SLC39A11: variants seen among roughly 807,000 people sequenced by gnomAD.
SLC39A11 encodes the protein zinc transporter ZIP11.
SLC39A11 carries 33 observed loss-of-function variants against 36.1 expected under a neutral mutation model. The ratio of observed to expected loss-of-function variants is 0.91; its 90% CI spans 0.69 to 1.22. The LOEUF (loss-of-function observed/expected upper bound fraction) is 1.22, where lower values mean the gene tolerates loss of function less well. Ranked by LOEUF, SLC39A11 falls within the 50% of genes most tolerant of loss-of-function variation. SLC39A11 has a pLI of 0.00. For missense variants in SLC39A11, 432 were observed against 430.3 expected, an observed-to-expected ratio of 1.00 and a Z score of -0.03; for synonymous variants, 166 against 170.3, an observed-to-expected ratio of 0.97 and a Z score of 0.20.
At chr17:72,686,462 C>T (rs930757085) in intron 7 of SLC39A11, among the ~76,000 whole-genome samples, 4 of 152,220 alleles carry the variant, frequency 2.6e-5, no homozygotes, top group African/African-American at 9.7e-5. Flanking sequence ...CAGCATGGCT[C>T]TTGGCTCGTT....
At chr17:73,016,091 A>G (rs2058154779) in intron 4 of SLC39A11, among the ~76,000 whole-genome samples, 1 of 152,102 alleles carries the variant, frequency 6.6e-6, no homozygotes. Context: ...TATCTGTATC[A>G]TGGGTTAATA....
intron 3 of SLC39A11, among the ~76,000 whole-genome samples, chr17:73,039,917 C>T (rs985708750): frequency 6.6e-6 from 1 of 152,158 alleles, no homozygotes; most frequent in Non-Finnish European, 1.5e-5. Flanking sequence ...ACTGTGCTAC[C>T]CTCTACCCCT....
chr17:72,916,285 A>G lies in SLC39A11; in HGVS notation c.430+31467T>C, dbSNP rs537302104. ...AACCTTCTGTCAAGAGGGAAAAAAG[A>G]GACCTTAAACCACTATTTGATCACC... On this transcript the variant is annotated intron_variant, in intron 5 of 9. Coordinates refer to ENST00000255559, the MANE Select transcript of SLC39A11 (RefSeq NM_139177.4). 7.2e-5 allele frequency among the ~76,000 whole-genome samples: 11 copies of G among 152,356 alleles called. No homozygotes were observed. The South Asian group carries it at 2.3e-3, about 32-fold the overall frequency.
At chr17:72,945,398 T>C (rs1220501078) in intron 5 of SLC39A11, among the ~76,000 whole-genome samples, 1 of 152,174 alleles carries the variant, frequency 6.6e-6, no homozygotes, top group African/African-American at 2.4e-5. Flanking sequence ...ATTAAACCCA[T>C]CTCCTTGCTC....
chr17:72,779,561 C>T (rs1436409891), intron 6 of SLC39A11, among the ~76,000 whole-genome samples: 1 of 152,300 alleles, frequency 6.6e-6, no homozygotes, highest in East Asian at 1.9e-4. Flanking sequence ...CCAGCACAAG[C>T]GCTGTTCACC....
Position 72,648,518 on chromosome 17 carries a change from T to C in SLC39A11, c.929+285A>G, listed in dbSNP as rs2069683854. Among the ~76,000 whole-genome samples, 3 of 151,934 alleles carry C rather than the reference T, an allele frequency of 2.0e-5. No homozygotes were observed. In the East Asian group the frequency reaches 5.8e-4, roughly 30 times the overall value. On this transcript the variant is annotated intron_variant, in intron 9 of 9. Transcript: ENST00000255559. ...CCAGCCCGAGAATCGAGAGACAGGA[T>C]GAGAGAGAATATACAAAAACGATAG...
intron 5 of SLC39A11, among the ~76,000 whole-genome samples, chr17:72,919,108 C>T (rs998768325): frequency 4.6e-5 from 7 of 152,004 alleles, no homozygotes; most frequent in South Asian, 2.1e-4. Flanking sequence ...TAACCCAATT[C>T]GGACCTCCAA....
chr17:72,797,096 C>T (rs1444356250), intron 6 of SLC39A11, among the ~76,000 whole-genome samples: 2 of 152,072 alleles, frequency 1.3e-5, no homozygotes, highest in Non-Finnish European at 2.9e-5. Context: ...GAGCGTGTAT[C>T]TCACACATTG....
chr17:73,028,830 T>C (rs1293366669), intron 4 of SLC39A11, among the ~76,000 whole-genome samples: 2 of 147,384 alleles, frequency 1.4e-5, no homozygotes, highest in African/African-American at 2.5e-5. Context: ...AAAAAAACAC[T>C]GCTGCAGCCG....
intron 7 of SLC39A11, among the ~76,000 whole-genome samples, chr17:72,654,396 A>G (rs911400869): frequency 2.0e-5 from 3 of 152,206 alleles, no homozygotes; most frequent in Non-Finnish European, 2.9e-5. Flanking sequence ...CTGGGCAGAA[A>G]TGCGGCCTGT....
chr17:72,712,070 G>T (rs1007654636), intron 7 of SLC39A11, among the ~76,000 whole-genome samples: 3 of 152,244 alleles, frequency 2.0e-5, no homozygotes, highest in Non-Finnish European at 4.4e-5. Context: ...GCTGGCAGAG[G>T]TGGGACAAAG....
At chr17:72,899,330 A>AG (rs112161963) in intron 5 of SLC39A11, among the ~76,000 whole-genome samples, 24,454 of 151,872 alleles carry the variant, frequency 0.16, 4,018 homozygotes, top group African/African-American at 0.42. Flanking sequence ...GCCAAACCCA[A>AG]CTACAGACTG....
chr17:72,964,166 ACT>A (rs576876077), intron 4 of SLC39A11, among the ~76,000 whole-genome samples: 55 of 152,284 alleles, frequency 3.6e-4, no homozygotes, highest in Non-Finnish European at 5.9e-4. Flanking sequence ...TTTAGTCAAG[ACT>A]CTGATCCTCC....
chr17:73,027,319 C>T (rs577508811), intron 4 of SLC39A11, among the ~76,000 whole-genome samples: 85 of 152,278 alleles, frequency 5.6e-4, no homozygotes, highest in Middle Eastern at 3.4e-3. Context: ...TCCCATCATC[C>T]GACCCCTCAC....
At chr17:72,955,469 AT>A (rs57079729) in intron 4 of SLC39A11, among the ~76,000 whole-genome samples, 6,590 of 128,598 alleles carry the variant, frequency 0.051, 495 homozygotes, top group African/African-American at 0.17. Context: ...CGTCTGGCTA[AT>A]TTTTTTTTTT....
At chr17:72,799,759 A>T (rs1396292693) in intron 6 of SLC39A11, among the ~76,000 whole-genome samples, 1 of 150,386 alleles carries the variant, frequency 6.6e-6, no homozygotes, top group Non-Finnish European at 1.5e-5. Context: ...TAAGATGTTT[A>T]TCAAGACAAT....
chr17:72,847,580 A>C (rs1348689819), intron 6 of SLC39A11, among the ~76,000 whole-genome samples: 1 of 152,192 alleles, frequency 6.6e-6, no homozygotes, highest in East Asian at 1.9e-4. Flanking sequence ...ATAACAGAGG[A>C]ATGTGCTTCT....
chr17:72,652,330 T>C (rs2069889693), intron 7 of SLC39A11, among the ~76,000 whole-genome samples: 1 of 152,232 alleles, frequency 6.6e-6, no homozygotes, highest in Non-Finnish European at 1.5e-5. Flanking sequence ...CATGTGGTAG[T>C]TGAAGTTTGG....
intron 5 of SLC39A11, among the ~76,000 whole-genome samples, chr17:72,900,478 G>A (rs919882180): frequency 6.6e-6 from 1 of 152,042 alleles, no homozygotes; most frequent in African/African-American, 2.4e-5. Context: ...TGAAGGGGGC[G>A]GGCTGGGGTG....
Sources: allele counts gnomAD v4.1 joint callset (sites outside exome capture counted in the v4.1 genomes callset), GRCh38; gene constraint gnomAD v4.1.1; transcripts MANE v1.5; gene names NCBI Gene and HGNC (gene_info 2026-07-23, HGNC 2026-07-21).